Variants in PRAG1 observed in about 807,000 individuals in gnomAD.
PRAG1 encodes the protein inactive tyrosine-protein kinase PRAG1.
Under a neutral mutation model 95.6 loss-of-function variants are expected in PRAG1, and 110 were observed. The ratio of observed to expected loss-of-function variants is 1.15; its 90% CI spans 0.99 to 1.35. PRAG1 has a LOEUF of 1.35. Among genes scored for constraint, PRAG1 ranks in the 40% most tolerant of loss-of-function variants. The pLI is 0.00. For missense variants in PRAG1, 2,554 were observed against 1,864.7 expected (o/e 1.37, Z -6.81); for synonymous variants, 1,052 against 819.4 (o/e 1.28, Z -4.85).
intron 4 of PRAG1, among the ~76,000 whole-genome samples, chr8:8,329,566 T>C (rs1268652895): frequency 2.0e-5 from 3 of 151,996 alleles, no homozygotes; most frequent in South Asian, 2.1e-4. Flanking sequence ...AACAAAAGCA[T>C]AGGAGAAGAC....
At chr8:8,360,124 G>A (rs949156933) in intron 3 of PRAG1, among the ~76,000 whole-genome samples, 2 of 152,070 alleles carry the variant, frequency 1.3e-5, no homozygotes, top group Non-Finnish European at 2.9e-5. Flanking sequence ...AGGGCTCTTG[G>A]TGGGACTCGA....
chr8:8,381,593 C>A lies in PRAG1; in HGVS notation c.155G>T (p.Gly52Val). The stretch of plus-strand genomic sequence containing the variant: ...CAGGCGCGGTGGAGGGGGCAGGCTG[C>A]CCGCTCTGGGCTGGGGAGGGCCGGC... ...LVAGPPQPRA[G>V]SLPPPPRLPP... The change falls in exon 2 of 6, where the codon GGC becomes GTC. Residue 52 changes from glycine to valine, a missense_variant. Transcript: ENST00000615670. 6.2e-7 allele frequency: 1 copy of A among 1,614,070 alleles called. No homozygotes were observed.
At chr8:8,329,207 A>G (rs2117119268) in intron 4 of PRAG1, among the ~76,000 whole-genome samples, 1 of 152,196 alleles carries the variant, frequency 6.6e-6, no homozygotes, top group South Asian at 2.1e-4. Context: ...AGCCTGGCCA[A>G]CATGGTGAAA....
rs774727915 is a variant in PRAG1 at position 8,376,301 on chromosome 8, T to C, written c.2108A>G (p.Lys703Arg). The C allele has an allele frequency of 1.9e-6, 3 of 1,614,200 alleles. No homozygotes were observed. The highest frequency in any genetic ancestry group is 2.5e-6 in the Non-Finnish European group (3 of 1,180,036). ...KSASFAFEFP[K>R]DRSGIETFSP... is the part of the protein sequence containing the mutation. ...GAATGTCTCAATCCCACTTCTGTCC[T>C]TGGGGAACTCAAAGGCAAAAGAGGC... The change falls in exon 3 of 6, where the codon AAG becomes AGG. Residue 703 changes from lysine to arginine, a missense_variant. Transcript: ENST00000615670.
intron 3 of PRAG1, among the ~76,000 whole-genome samples, chr8:8,375,722 C>CT (rs1375234533): frequency 6.6e-6 from 1 of 151,876 alleles, no homozygotes; most frequent in Non-Finnish European, 1.5e-5. Context: ...ACAGGATCTC[C>CT]TTATGTTACC....
rs748736545 is a variant in PRAG1 at position 8,376,493 on chromosome 8, A to C, written c.1916T>G (p.Ile639Arg). Reference sequence around the variant, plus strand: ...CTGCTCCACCTCCTCTTCTTCCTCTATCCGGCACTGACGACTCCAGGTGCC... The same window carrying C: ...CTGCTCCACCTCCTCTTCTTCCTCTCTCCGGCACTGACGACTCCAGGTGCC... ...QAGTWSRQCR[I>R]EEEEEVEQEL... The change falls in exon 3 of 6, where the codon ATA (isoleucine) becomes AGA (arginine). Residue 639 changes from isoleucine (I) to arginine (R), a missense_variant. Transcript: ENST00000615670. 1.2e-6 allele frequency: 2 copies of C among 1,612,932 alleles called. No individual in the cohort carries two copies. The highest frequency in any genetic ancestry group is 2.2e-5 in the East Asian group (1 of 44,854).
At chr8:8,380,119 C>T (rs917326290) in intron 2 of PRAG1, among the ~76,000 whole-genome samples, 8 of 151,602 alleles carry the variant, frequency 5.3e-5, no homozygotes, top group African/African-American at 1.9e-4. Context: ...AACAAAAAAA[C>T]GCCAAATAAG....
intron 2 of PRAG1, 75 bp from the exon 3 acceptor site, chr8:8,378,153 G>C: frequency 6.8e-7 from 1 of 1,477,442 alleles, no homozygotes; most frequent in Non-Finnish European, 9.0e-7. Flanking sequence ...AAAAGTGAGA[G>C]GGAAGGGCAA....
intron 5 of PRAG1, among the ~76,000 whole-genome samples, chr8:8,321,316 C>T (rs1201762014): frequency 1.3e-5 from 2 of 152,124 alleles, no homozygotes; most frequent in Non-Finnish European, 2.9e-5. Context: ...AACTCCTGGG[C>T]TCAAGTGATC....
chr8:8,377,844 GCA>G lies in PRAG1; in HGVS notation c.563_564del (p.Val188AlafsTer49). The part of the protein sequence containing the change: ...HPVSFPEEKA[V>X]HKEKPSFPYQ... Reference sequence around the variant, plus strand: ...TAAGGAAATGAGGGTTTTTCTTTGTGCACAGCCTTCTCCTCCGGGAAGCTCAC... The same window carrying G: ...TAAGGAAATGAGGGTTTTTCTTTGTGCAGCCTTCTCCTCCGGGAAGCTCAC... On this transcript the variant is annotated frameshift_variant, in exon 3 of 6. Coordinates refer to ENST00000615670, the MANE Select transcript of PRAG1 (RefSeq NM_001080826.3). LOFTEE classifies it high-confidence loss of function. 6.2e-7 allele frequency: 1 copy of G among 1,614,118 alleles called. No individual in the cohort carries two copies. Among genetic ancestry groups the G allele is most frequent in the Non-Finnish European group, 8.5e-7 (1 of 1,180,034 alleles).
At position 8,346,051 on chromosome 8, in the gene PRAG1, T is replaced by C. The variant is rs553065699; in HGVS notation, c.2163-6416A>G. ...AAGAATCCCTGGAAAAGGCTTACTA[T>C]TGCAATGATGACTTTTCTGAGCCCT... is the stretch of plus-strand genomic sequence containing the variant. On this transcript the variant is annotated intron_variant, in intron 3 of 5. Transcript: ENST00000615670. 2.0e-5 allele frequency among the ~76,000 whole-genome samples: 3 copies of C among 152,340 alleles called. No homozygotes were observed. The South Asian group carries it at 6.2e-4, about 32-fold the overall frequency.
intron 3 of PRAG1, among the ~76,000 whole-genome samples, chr8:8,357,548 A>T (rs1418648874): frequency 6.6e-6 from 1 of 152,224 alleles, no homozygotes; most frequent in Non-Finnish European, 1.5e-5. Flanking sequence ...CAAGTTTTGA[A>T]GACACATGTG....
chr8:8,383,022 G>C (rs894978908), intron 1 of PRAG1, among the ~76,000 whole-genome samples: 1 of 152,116 alleles, frequency 6.6e-6, no homozygotes, highest in Non-Finnish European at 1.5e-5. Flanking sequence ...AGAACATAAG[G>C]GTGAATAGGT....
chr8:8,370,393 C>T (rs1018697109), intron 3 of PRAG1, among the ~76,000 whole-genome samples: 3 of 152,208 alleles, frequency 2.0e-5, no homozygotes, highest in African/African-American at 7.2e-5. Flanking sequence ...AGTATTCATT[C>T]TCCCCTGACC....
chr8:8,347,102 C>A (rs1438852264), intron 3 of PRAG1, among the ~76,000 whole-genome samples: 1 of 152,240 alleles, frequency 6.6e-6, no homozygotes, highest in African/African-American at 2.4e-5. Flanking sequence ...AAGGAAAAGA[C>A]TGGTTTTAAA....
At chr8:8,341,157 A>T (rs556494435) in intron 3 of PRAG1, among the ~76,000 whole-genome samples, 67 of 152,326 alleles carry the variant, frequency 4.4e-4, no homozygotes, top group African/African-American at 1.5e-3. Context: ...AGTGGTTTCT[A>T]GAGTTTCTTG....
chr8:8,327,336 G>A lies in PRAG1; in HGVS notation c.3072+374C>T, dbSNP rs550143140. 1.6e-4 allele frequency among the ~76,000 whole-genome samples: 24 copies of A among 152,286 alleles called. No individual in the cohort carries two copies. In the South Asian group the frequency reaches 3.9e-3, roughly 25 times the overall value. On this transcript the variant is annotated intron_variant, in intron 5 of 5. Transcript: ENST00000615670. ...TGTAATCCCAGCATTTTGGGAGGCC[G>A]AGGTGGGTGGATCATCTGAGGTCAG...
chr8:8,383,507 G>C (rs1236812665), intron 1 of PRAG1, among the ~76,000 whole-genome samples: 1 of 152,094 alleles, frequency 6.6e-6, no homozygotes, highest in African/African-American at 2.4e-5. Flanking sequence ...CCTGAGCCCA[G>C]GAGGTCAAGG....
At chr8:8,334,915 C>T (rs1480321850) in intron 4 of PRAG1, among the ~76,000 whole-genome samples, 3 of 151,896 alleles carry the variant, frequency 2.0e-5, no homozygotes, top group South Asian at 4.2e-4. Context: ...AAACTCGTCT[C>T]TACTAAAAAT....
Sources: gnomAD v4.1 joint callset for allele counts (sites outside exome capture counted in the v4.1 genomes callset) on GRCh38, gnomAD v4.1.1 for gene constraint, MANE v1.5 for transcripts, NCBI Gene and HGNC (gene_info 2026-07-23, HGNC 2026-07-21) for gene names.